CNTNAP5: variants seen among roughly 807,000 people sequenced by gnomAD.
CNTNAP5 encodes contactin-associated protein-like 5.
A neutral mutation model predicts 150.2 loss-of-function variants in CNTNAP5; 72 were observed. That is an observed-to-expected ratio of 0.48 (90% CI 0.40 to 0.58). The LOEUF is 0.58. Among genes scored for constraint, CNTNAP5 ranks in the 20% least tolerant of loss-of-function variants. The probability of loss-of-function intolerance (pLI) is 0.00; values close to 1 mark genes in which losing one functional copy is unlikely to be tolerated. For missense variants in CNTNAP5, 1,636 were observed against 1,626.2 expected, an observed-to-expected ratio of 1.01 and a Z score of -0.10; for synonymous variants, 672 against 619.8, an observed-to-expected ratio of 1.08 and a Z score of -1.25.
chr2:124,846,348 C>A (rs111495780), intron 19 of CNTNAP5, among the ~76,000 whole-genome samples: 2,494 of 152,154 alleles, frequency 0.016, 63 homozygotes, highest in African/African-American at 0.056. Context: ...GAAGATCTTT[C>A]TCCCGCTTGT....
At chr2:124,037,848 A>C (rs1681266925) in intron 1 of CNTNAP5, among the ~76,000 whole-genome samples, 1 of 152,226 alleles carries the variant, frequency 6.6e-6, no homozygotes, top group Non-Finnish European at 1.5e-5. Flanking sequence ...ACCATTTCAC[A>C]CTGTATACAT....
intron 17 of CNTNAP5, among the ~76,000 whole-genome samples, chr2:124,777,308 C>T (rs917797786): frequency 1.3e-5 from 2 of 152,076 alleles, no homozygotes; most frequent in Non-Finnish European, 2.9e-5. Context: ...AATTTTGTCT[C>T]TTCTTGAAGA....
In CNTNAP5 at chr2:124,917,472, A is replaced by G. The variant is rs181185788; in HGVS notation, c.*3184A>G. Among the ~76,000 whole-genome samples, 5 of 152,216 alleles carry G rather than the reference A, an allele frequency of 3.3e-5. No individual in the cohort carries two copies. In the East Asian group the frequency reaches 5.8e-4, roughly 18 times the overall value. ...GGAGAAATAGACATTTGTCATTTCT[A>G]TAGACATATTTTTATGACTAACTTT... On this transcript the variant is annotated 3_prime_UTR_variant, in exon 24 of 24. Transcript: ENST00000682447.
rs540643623 is a variant in CNTNAP5, at chr2:124,552,325, C to G, written c.1650-10892C>G. 7.9e-5 allele frequency among the ~76,000 whole-genome samples: 12 copies of G among 152,280 alleles called. No homozygotes were observed. The East Asian group carries it at 2.3e-3, about 29-fold the overall frequency. On this transcript the variant is annotated intron_variant, in intron 10 of 23. Transcript: ENST00000682447. ...CATGAAAAGGTGACCCCACTACACC[C>G]CTCGTGAGTACTATGACAGCTGCAT...
chr2:124,818,146 G>A (rs1682406169), intron 19 of CNTNAP5, among the ~76,000 whole-genome samples: 1 of 152,164 alleles, frequency 6.6e-6, no homozygotes, highest in Non-Finnish European at 1.5e-5. Flanking sequence ...CCACCTAACA[G>A]TGCGTTCACA....
At chr2:124,037,421 T>A (rs1373979905) in intron 1 of CNTNAP5, among the ~76,000 whole-genome samples, 2 of 152,212 alleles carry the variant, frequency 1.3e-5, no homozygotes, top group Non-Finnish European at 2.9e-5. Context: ...AGTCAAGTCA[T>A]GAAACTAACC....
rs1678764863 is a variant in CNTNAP5 at position 124,916,193 on chromosome 2, C to T, written c.*1905C>T. On this transcript the variant is annotated 3_prime_UTR_variant, in exon 24 of 24. Transcript: ENST00000682447. ...CCTCGAAATTTTCTGTGGATTTGAG[C>T]TCAATCGCTTTATCATCTACATGAT... 6.6e-6 allele frequency among the ~76,000 whole-genome samples: 1 copy of T among 151,456 alleles called. No individual in the cohort carries two copies. Among genetic ancestry groups the T allele is most frequent in the Admixed American group, 6.6e-5 (1 of 15,226 alleles).
chr2:124,115,001 T>G (rs1349914057), intron 1 of CNTNAP5, among the ~76,000 whole-genome samples: 1 of 151,948 alleles, frequency 6.6e-6, no homozygotes, highest in Non-Finnish European at 1.5e-5. Flanking sequence ...TAGCTCTATA[T>G]ATCTAGAGAT....
At chr2:124,220,795 G>A (rs1241959732) in intron 1 of CNTNAP5, among the ~76,000 whole-genome samples, 1 of 152,066 alleles carries the variant, frequency 6.6e-6, no homozygotes, top group Non-Finnish European at 1.5e-5. Context: ...AGCCCTCACA[G>A]CCTAATCATC....
chr2:124,444,982 C>T (rs1692776068), intron 5 of CNTNAP5, among the ~76,000 whole-genome samples: 2 of 152,106 alleles, frequency 1.3e-5, no homozygotes, highest in African/African-American at 4.8e-5. Flanking sequence ...TACACTAAGA[C>T]CACGAAGACC....
At chr2:124,620,758 C>T (rs935220025) in intron 12 of CNTNAP5, among the ~76,000 whole-genome samples, 4 of 127,994 alleles carry the variant, frequency 3.1e-5, no homozygotes, top group Admixed American at 3.0e-4. Flanking sequence ...CACACACACA[C>T]ACACACACAC....
At chr2:124,592,498 A>G (rs1020380492) in intron 11 of CNTNAP5, among the ~76,000 whole-genome samples, 2 of 149,332 alleles carry the variant, frequency 1.3e-5, no homozygotes, top group African/African-American at 4.9e-5. Context: ...ATAAATGCAA[A>G]TAAATCTACA....
At chr2:124,705,292 C>A (rs1405109866) in intron 13 of CNTNAP5, among the ~76,000 whole-genome samples, 1 of 152,102 alleles carries the variant, frequency 6.6e-6, no homozygotes, top group Non-Finnish European at 1.5e-5. Flanking sequence ...CTTTGGGAGG[C>A]CGAGGCAGGG....
At chr2:124,757,076 C>T (rs1482982967) in intron 14 of CNTNAP5, among the ~76,000 whole-genome samples, 2 of 152,148 alleles carry the variant, frequency 1.3e-5, no homozygotes, top group African/African-American at 2.4e-5. Flanking sequence ...GGAAATAGCA[C>T]TGAGGTTCCT....
chr2:124,711,929 T>C (rs527268093), intron 13 of CNTNAP5, among the ~76,000 whole-genome samples: 4 of 152,314 alleles, frequency 2.6e-5, no homozygotes, highest in African/African-American at 9.6e-5. Context: ...TTCTATTTTT[T>C]ACTATTTTCC....
chr2:124,809,544 A>C (rs1682159878), intron 19 of CNTNAP5, among the ~76,000 whole-genome samples: 1 of 151,776 alleles, frequency 6.6e-6, no homozygotes, highest in African/African-American at 2.4e-5. Flanking sequence ...GTGTCTGGGA[A>C]TATAGCTGCA....
At chr2:124,626,310 G>A (rs1677721469) in intron 12 of CNTNAP5, among the ~76,000 whole-genome samples, 2 of 152,212 alleles carry the variant, frequency 1.3e-5, no homozygotes, top group Non-Finnish European at 2.9e-5. Flanking sequence ...AACAGCTCTA[G>A]CCTGCAGCTC....
At chr2:124,567,848 GATAGATAGAT>G (rs1696060909) in intron 11 of CNTNAP5, among the ~76,000 whole-genome samples, 1 of 115,994 alleles carries the variant, frequency 8.6e-6, no homozygotes, top group African/African-American at 3.0e-5. Flanking sequence ...TAGATAGATA[GATAGATAGAT>G]AGATAGATAG....
intron 1 of CNTNAP5, among the ~76,000 whole-genome samples, chr2:124,072,441 T>A (rs1162606417): frequency 2.6e-5 from 4 of 151,892 alleles, no homozygotes; most frequent in Non-Finnish European, 5.9e-5. Flanking sequence ...ATCAAAGTAC[T>A]TTGTTTGCAG....
Sources: gnomAD v4.1 joint callset for allele counts (sites outside exome capture counted in the v4.1 genomes callset) on GRCh38, gnomAD v4.1.1 for gene constraint, MANE v1.5 for transcripts, NCBI Gene and HGNC (gene_info 2026-07-23, HGNC 2026-07-21) for gene names.